Variants in PTGER3 observed in about 807,000 individuals in gnomAD.
PTGER3 encodes the protein prostaglandin E receptor 3, also known as prostaglandin E2 receptor EP3 subtype.
Under a neutral mutation model 34.7 loss-of-function variants are expected in PTGER3, and 22 were observed. The observed-to-expected ratio is 0.63, with a 90% CI of 0.45 to 0.91. The LOEUF (loss-of-function observed/expected upper bound fraction) is 0.91. Ranked by LOEUF, PTGER3 falls within the 40% of genes least tolerant of loss-of-function variation. PTGER3 has a pLI of 0.00. For synonymous variants in PTGER3, 241 were observed against 230.1 expected (o/e 1.05, Z -0.43); for missense variants, 468 against 519.4 (o/e 0.90, Z 0.96).
chr1:71,025,991 C>G (rs1371810868), intron 1 of PTGER3, among the ~76,000 whole-genome samples: 1 of 152,094 alleles, frequency 6.6e-6, no homozygotes, highest in East Asian at 1.9e-4. Context: ...TGATTACTCC[C>G]CCCTTGCTTA....
intron 2 of PTGER3, among the ~76,000 whole-genome samples, chr1:70,987,929 A>G (rs1272171062): frequency 6.6e-6 from 1 of 152,190 alleles, no homozygotes; most frequent in Non-Finnish European, 1.5e-5. Flanking sequence ...CTCCTCACCA[A>G]TAAAAATGTT....
chr1:70,952,365 T>G, downstream of PTGER3: 1 of 952,716 alleles, frequency 1.0e-6, no homozygotes, highest in Non-Finnish European at 1.2e-6. Flanking sequence ...CACTTCCTAG[T>G]TTTGTTAATT....
intron 4 of PTGER3, among the ~76,000 whole-genome samples, chr1:70,891,716 G>A (rs1035509541): frequency 6.6e-6 from 1 of 152,146 alleles, no homozygotes; most frequent in African/African-American, 2.4e-5. Flanking sequence ...GGCTTGCATA[G>A]CATTCTTCTT....
At chr1:70,952,433 G>A (rs1413821437) in exon 4 of PTGER3, 1 of 985,354 alleles carries the variant, frequency 1.0e-6, no homozygotes, top group African/African-American at 1.7e-5. Context: ...CCAGTCTAAT[G>A]ATGTTGAATT....
chr1:71,029,907 C>T lies in PTGER3; in HGVS notation c.897+16774G>A, dbSNP rs558096623. ...CGCTACTGCACTCCAGCCTGGGTGA[C>T]AGAGTGAGACTCCATCTCAAATAAT... On this transcript the variant is annotated intron_variant, in intron 1 of 3. Coordinates refer to ENST00000306666, the MANE Select transcript of PTGER3 (RefSeq NM_198719.2). 4.1e-5 allele frequency among the ~76,000 whole-genome samples: 6 copies of T among 147,752 alleles called. No homozygotes were observed. In the East Asian group the frequency reaches 1.2e-3, roughly 30 times the overall value.
In PTGER3 at chr1:71,046,931, C is replaced by T. The variant is rs1447703749; in HGVS notation, c.647G>A (p.Gly216Asp). ...TWCFISTGRG[G>D]NGTSSSHNWG... ...GTTATGCGAAGAGCTAGTCCCGTTG[C>T]CCCCTCGCCCGGTGCTGATGAAGCA... Residue 216 changes from glycine to aspartate, a missense_variant, in exon 1 of 4, where the codon GGC (glycine) becomes GAC (aspartate). Gly to Asp is a moderately conservative substitution (Grantham distance 94). This residue lies in a region of PTGER3 where 204 missense variants were observed against 230.8 expected (regional missense o/e 0.88). Transcript: ENST00000306666. 9 of 1,607,620 alleles carry T rather than the reference C, an allele frequency of 5.6e-6. No homozygotes were observed. Among genetic ancestry groups the T allele is most frequent in the Non-Finnish European group, 7.6e-6 (9 of 1,177,198 alleles).
intron 3 of PTGER3, among the ~76,000 whole-genome samples, chr1:70,973,142 G>A (rs1653275616): frequency 6.6e-6 from 1 of 151,678 alleles, no homozygotes; most frequent in African/African-American, 2.4e-5. Flanking sequence ...GTGTGTGTGT[G>A]TGTGTGTGTG....
intron 1 of PTGER3, among the ~76,000 whole-genome samples, chr1:71,036,594 C>T (rs553216512): frequency 7.2e-5 from 11 of 151,894 alleles, no homozygotes; most frequent in African/African-American, 2.7e-4. Context: ...TAATCCCAGC[C>T]CTTTGGGAGG....
intron 1 of PTGER3, among the ~76,000 whole-genome samples, chr1:71,038,881 G>A (rs1660046965): frequency 6.6e-6 from 1 of 152,214 alleles, no homozygotes; most frequent in African/African-American, 2.4e-5. Context: ...GTGAAAAGAT[G>A]AAGACAACTG....
At chr1:70,890,036 T>C (rs1448407418) in intron 4 of PTGER3, among the ~76,000 whole-genome samples, 1 of 152,210 alleles carries the variant, frequency 6.6e-6, no homozygotes, top group Non-Finnish European at 1.5e-5. Context: ...AGAAACTTCA[T>C]TTGGCATTTC....
intron 4 of PTGER3, among the ~76,000 whole-genome samples, chr1:70,856,443 A>AC (rs1352370843): frequency 1.3e-5 from 2 of 150,040 alleles, no homozygotes; most frequent in Non-Finnish European, 3.0e-5. Context: ...TTCATCTCAA[A>AC]AAAAAAAAAA....
intron 4 of PTGER3, among the ~76,000 whole-genome samples, chr1:70,937,781 T>C (rs1234699866): frequency 1.3e-5 from 2 of 152,132 alleles, no homozygotes; most frequent in Non-Finnish European, 2.9e-5. Context: ...AACATGAAAA[T>C]AGAATACCCT....
At chr1:70,972,448 C>T (rs373068005) in intron 3 of PTGER3, among the ~76,000 whole-genome samples, 8 of 151,976 alleles carry the variant, frequency 5.3e-5, no homozygotes, top group East Asian at 3.9e-4. Flanking sequence ...TAATTATTTT[C>T]GCAAACAGTC....
chr1:70,927,218 C>T (rs847710), intron 4 of PTGER3, among the ~76,000 whole-genome samples: 2 of 152,132 alleles, frequency 1.3e-5, no homozygotes, highest in East Asian at 1.9e-4. Context: ...GGAGGATTCC[C>T]TCTTTTTCTA....
intron 3 of PTGER3, 73 bp from the exon 4 acceptor site, chr1:70,971,806 T>A: frequency 1.0e-6 from 1 of 999,754 alleles, no homozygotes; most frequent in Non-Finnish European, 1.5e-6. Flanking sequence ...GTGTATGGTG[T>A]GAGGAGTAAA....
chr1:71,004,114 C>A (rs1025600647), intron 2 of PTGER3, among the ~76,000 whole-genome samples: 1 of 152,150 alleles, frequency 6.6e-6, no homozygotes, highest in Non-Finnish European at 1.5e-5. Context: ...ATTCAAACAA[C>A]CTTGTATGTT....
At chr1:70,918,880 A>G (rs1199911889) in intron 4 of PTGER3, among the ~76,000 whole-genome samples, 1 of 152,082 alleles carries the variant, frequency 6.6e-6, no homozygotes, top group Non-Finnish European at 1.5e-5. Context: ...ATAAATACCT[A>G]AGAAAAATGA....
intron 4 of PTGER3, among the ~76,000 whole-genome samples, chr1:70,928,123 A>G (rs923277671): frequency 2.1e-5 from 2 of 94,248 alleles, no homozygotes; most frequent in African/African-American, 4.1e-5. Flanking sequence ...CATTCATCAT[A>G]TATATATATT....
chr1:70,994,894 C>T (rs909552351), intron 2 of PTGER3, among the ~76,000 whole-genome samples: 1 of 152,072 alleles, frequency 6.6e-6, no homozygotes, highest in African/African-American at 2.4e-5. Flanking sequence ...AAAGCCTTCA[C>T]ATTCTTGGAA....
Sources: allele counts gnomAD v4.1 joint callset (sites outside exome capture counted in the v4.1 genomes callset), GRCh38; gene constraint gnomAD v4.1.1; regional missense constraint gnomAD v4.1.1; transcripts MANE v1.5; gene names NCBI Gene and HGNC (gene_info 2026-07-23, HGNC 2026-07-21).